Variants in PLBD1 observed in about 807,000 individuals in gnomAD.
PLBD1 encodes phospholipase B domain containing 1, also known as lysosomal leucine aminopeptidase.
PLBD1 carries 60 observed loss-of-function variants against 63.0 expected under a neutral mutation model. The ratio of observed to expected loss-of-function variants is 0.95; its 90% confidence interval spans 0.77 to 1.18. The LOEUF is 1.18. PLBD1 is among the 50% of genes most tolerant of loss of function. The pLI is 0.00. For synonymous variants in PLBD1, 262 were observed against 248.0 expected (o/e 1.06, Z -0.53); for missense variants, 598 against 677.9 (o/e 0.88, Z 1.31).
chr12:14,564,934 G>A (rs1354070091), intron 1 of PLBD1, among the ~76,000 whole-genome samples: 1 of 152,098 alleles, frequency 6.6e-6, no homozygotes. Flanking sequence ...ACCAGATAAA[G>A]GTATGATTTA....
intron 4 of PLBD1, among the ~76,000 whole-genome samples, chr12:14,537,760 A>T (rs1945531551): frequency 6.6e-6 from 1 of 152,224 alleles, no homozygotes; most frequent in East Asian, 1.9e-4. Context: ...CTAAAACCAA[A>T]GCAAAAATTC....
At chr12:14,547,180 TTGTGTGTG>T (rs56182227) in intron 2 of PLBD1, among the ~76,000 whole-genome samples, 4,347 of 138,200 alleles carry the variant, frequency 0.031, 191 homozygotes, top group Admixed American at 0.11. Context: ...GCACCTGGCT[TTGTGTGTG>T]TGTGTGTGTG....
intron 8 of PLBD1, among the ~76,000 whole-genome samples, chr12:14,510,255 G>A (rs1415056316): frequency 6.6e-6 from 1 of 152,144 alleles, no homozygotes; most frequent in Non-Finnish European, 1.5e-5. Flanking sequence ...TTAGCCAGGT[G>A]TGGTGGCACG....
In PLBD1 at chr12:14,506,930, T is replaced by A; in HGVS notation, c.1372+3A>T. 6.2e-7 allele frequency: 1 copy of A among 1,613,166 alleles called. No individual in the cohort carries two copies. The highest frequency in any genetic ancestry group is 8.5e-7 in the Non-Finnish European group (1 of 1,179,240). ...AATGATTCTTGAGAAATATGCTACG[T>A]ACTGTTGTATCGCATGATATATTTC... On this transcript the variant is annotated splice_donor_region_variant and intron_variant, in intron 9 of 10. Transcript: ENST00000240617.
At chr12:14,550,717 A>T (rs1029433985) in intron 2 of PLBD1, among the ~76,000 whole-genome samples, 1 of 152,030 alleles carries the variant, frequency 6.6e-6, no homozygotes, top group African/African-American at 2.4e-5. Context: ...CGTCTCTACT[A>T]AAAATACAAA....
chr12:14,554,912 T>C (rs1945689374), intron 1 of PLBD1, among the ~76,000 whole-genome samples: 1 of 152,114 alleles, frequency 6.6e-6, no homozygotes, highest in South Asian at 2.1e-4. Context: ...TCCATCGCAC[T>C]AGAGATTCGA....
At position 14,536,581 on chromosome 12, in the gene PLBD1, C is replaced by T. The variant is rs752481945; in HGVS notation, c.688G>A (p.Ala230Thr). The T allele has an allele frequency of 1.1e-5, 17 of 1,613,926 alleles. No individual in the cohort carries two copies. Among genetic ancestry groups the T allele is most frequent in the Middle Eastern group, 1.6e-4 (1 of 6,084 alleles). The change falls in exon 5 of 11, where the codon GCT (alanine) becomes ACT (threonine). Residue 230 changes from alanine (A) to threonine (T), a missense_variant. Physicochemically the swap from Ala to Thr is moderately conservative, Grantham distance 58 (BLOSUM62 0). Transcript: ENST00000240617. ...CTGCTATGTCTTACCTTGATAAGAG[C>T]GGAGCAATGTCCCATGTCCCATCTC... ...FKRWDMGHCS[A>T]LIKVLPGFEN...
rs1169081156 is a variant in PLBD1, at chr12:14,503,679, A to G, written c.*93T>C. 3 of 1,230,766 alleles carry G rather than the reference A, an allele frequency of 2.4e-6. No individual in the cohort carries two copies. The highest frequency in any genetic ancestry group is 3.1e-5 in the African/African-American group (2 of 65,504). The allele number at this position is 1,230,766 out of a possible 1,614,324, so 76.2% of individuals were successfully genotyped here. On this transcript the variant is annotated 3_prime_UTR_variant, in exon 11 of 11. Coordinates refer to ENST00000240617, the MANE Select transcript of PLBD1 (RefSeq NM_024829.6). ...TGGGAAATGAAAGTGACAAATTAAT[A>G]TATTTTATTGCATAATTCTGATGGG...
At chr12:14,549,796 T>C (rs1410707517) in intron 2 of PLBD1, among the ~76,000 whole-genome samples, 1 of 152,148 alleles carries the variant, frequency 6.6e-6, no homozygotes, top group Non-Finnish European at 1.5e-5. Context: ...GCCTCCCAAG[T>C]AGCTGGGATT....
chr12:14,565,447 A>G (rs1488457856), intron 1 of PLBD1, among the ~76,000 whole-genome samples: 2 of 152,242 alleles, frequency 1.3e-5, no homozygotes, highest in East Asian at 3.9e-4. Flanking sequence ...CCTGGGGGGA[A>G]AATAAAAATA....
intron 6 of PLBD1, among the ~76,000 whole-genome samples, chr12:14,524,386 T>C (rs1461795975): frequency 6.6e-6 from 1 of 152,320 alleles, no homozygotes; most frequent in East Asian, 1.9e-4. Flanking sequence ...ACACAATGTA[T>C]ACATGCATCA....
At chr12:14,521,019 G>A (rs1170522776) in intron 6 of PLBD1, among the ~76,000 whole-genome samples, 1 of 152,146 alleles carries the variant, frequency 6.6e-6, no homozygotes, top group Non-Finnish European at 1.5e-5. Flanking sequence ...GCTCTGGAGG[G>A]CCAGTAACCA....
At chr12:14,540,384 T>G (rs1443283333) in intron 4 of PLBD1, among the ~76,000 whole-genome samples, 2 of 151,928 alleles carry the variant, frequency 1.3e-5, no homozygotes, top group Non-Finnish European at 2.9e-5. Flanking sequence ...TATGTGTTTA[T>G]GTGAATGTTG....
chr12:14,541,001 C>T (rs1565577919), intron 3 of PLBD1, 99 bp from the exon 4 acceptor site: 1 of 1,240,716 alleles, frequency 8.1e-7, no homozygotes, highest in Middle Eastern at 2.1e-4. Flanking sequence ...GACACTTATG[C>T]TAATGTGATT....
intron 5 of PLBD1, 54 bp downstream of exon 5, chr12:14,536,516 A>G (rs1592002691): frequency 1.3e-6 from 2 of 1,590,244 alleles, no homozygotes; most frequent in Admixed American, 1.7e-5. Flanking sequence ...TGGGCGCTAT[A>G]TAGAAAAAGT....
chr12:14,510,015 G>A (rs1444792682), intron 8 of PLBD1, among the ~76,000 whole-genome samples: 1 of 152,134 alleles, frequency 6.6e-6, no homozygotes, highest in Non-Finnish European at 1.5e-5. Context: ...ACCATGGAGT[G>A]CATGGATTAT....
chr12:14,566,981 G>C lies in PLBD1; in HGVS notation c.115+601C>G, dbSNP rs145101722. Among the ~76,000 whole-genome samples the C allele has an allele frequency of 6.7e-3, 1,021 of 152,122 alleles. 13 individuals carry two copies. Among genetic ancestry groups the C allele is most frequent in the Middle Eastern group, 6.8e-3 (2 of 294 alleles). The stretch of plus-strand genomic sequence containing the variant: ...ATGGTGGCTGACGCCTGTAATCCCA[G>C]CTACTTGGGAAGCTGAGGGAGGAGA... On this transcript the variant is annotated intron_variant, in intron 1 of 10. Coordinates refer to ENST00000240617, the MANE Select transcript of PLBD1 (RefSeq NM_024829.6).
chr12:14,530,075 G>C (rs1042189171), intron 6 of PLBD1: 9 of 152,262 alleles, frequency 5.9e-5, no homozygotes, highest in Non-Finnish European at 1.2e-4. Flanking sequence ...GTGAGCGTGT[G>C]TGACGTCTGA....
intron 6 of PLBD1, among the ~76,000 whole-genome samples, chr12:14,533,481 G>A (rs923137049): frequency 6.6e-5 from 10 of 152,176 alleles, no homozygotes; most frequent in Non-Finnish European, 1.5e-5. Context: ...AGGATTATAC[G>A]TTTCATAAGA....
Sources: allele counts gnomAD v4.1 joint callset (sites outside exome capture counted in the v4.1 genomes callset), GRCh38; gene constraint gnomAD v4.1.1; transcripts MANE v1.5; gene names NCBI Gene and HGNC (gene_info 2026-07-23, HGNC 2026-07-21).